The following DYNC1LI2 variants were observed in gnomAD, a reference collection of about 807,000 sequenced individuals.
The protein encoded by DYNC1LI2 is cytoplasmic dynein 1 light intermediate chain 2.
In DYNC1LI2, 19 loss-of-function variants were observed where a neutral mutation model predicts 57.8. The observed-to-expected ratio is 0.33, with a 90% CI of 0.23 to 0.48. The LOEUF (loss-of-function observed/expected upper bound fraction) is 0.48. DYNC1LI2 is among the 20% of genes least tolerant of loss of function. DYNC1LI2 has a pLI of 0.99. For missense variants in DYNC1LI2, 470 were observed against 604.2 expected (o/e 0.78, Z 2.33); for synonymous variants, 256 against 233.4 (o/e 1.10, Z -0.88).
chr16:66,723,895 T>A, intron 12 of DYNC1LI2, 73 bp from the exon 13 acceptor site: 1 of 1,286,296 alleles, frequency 7.8e-7, no homozygotes. Flanking sequence ...AAAGGAGCAT[T>A]TAAAATTATA....
At chr16:66,727,138 G>A (rs570394507) in intron 11 of DYNC1LI2, among the ~76,000 whole-genome samples, 14 of 152,168 alleles carry the variant, frequency 9.2e-5, no homozygotes, top group African/African-American at 3.1e-4. Context: ...GGCTAGTCTC[G>A]AACTCTTTAG....
intron 3 of DYNC1LI2, among the ~76,000 whole-genome samples, chr16:66,748,903 A>G (rs2017989020): frequency 1.3e-5 from 2 of 152,250 alleles, no homozygotes. Context: ...CAAAGCTTTA[A>G]AAAATCTTTC....
At position 66,734,283 on chromosome 16, in the gene DYNC1LI2, T is replaced by C; in HGVS notation, c.728A>G (p.Glu243Gly). The C allele has an allele frequency of 6.2e-7, 1 of 1,614,156 alleles. No individual in the cohort carries two copies. The highest frequency in any genetic ancestry group is 2.2e-5 in the East Asian group (1 of 44,876). The change falls in exon 6 of 13, where the codon GAG (glutamate) becomes GGG (glycine). Residue 243 changes from glutamate (E) to glycine (G), a missense_variant. Physicochemically the swap from Glu to Gly is moderately conservative, Grantham distance 98. Coordinates refer to ENST00000258198, the MANE Select transcript of DYNC1LI2 (RefSeq NM_006141.3). ...KCDAVSVLEK[E>G]HDYRDEHLDF... ...CAAATGCTCATCCCTGTAATCGTGC[T>C]CCTTCTCCAGGACACTCACCGCATC...
intron 4 of DYNC1LI2, among the ~76,000 whole-genome samples, chr16:66,736,512 T>G (rs1418227338): frequency 1.3e-5 from 2 of 152,068 alleles, no homozygotes; most frequent in African/African-American, 4.8e-5. Flanking sequence ...CTGAACAGGT[T>G]TTTTTTTCTT....
chr16:66,727,923 G>A, intron 10 of DYNC1LI2, 118 bp from the exon 11 acceptor site: 4 of 981,624 alleles, frequency 4.1e-6, no homozygotes, highest in East Asian at 2.4e-5. Context: ...ACAGGACTGG[G>A]AGTATGCTCT....
chr16:66,721,008 C>T lies in DYNC1LI2; in HGVS notation c.*2714G>A, dbSNP rs893377875. 1.3e-5 allele frequency: 2 copies of T among 152,624 alleles called. No homozygotes were observed. Among genetic ancestry groups the T allele is most frequent in the African/African-American group, 4.8e-5 (2 of 41,448 alleles). 9.5% of individuals were successfully genotyped at this position (152,624 alleles called of 1,614,324 possible). On this transcript the variant is annotated 3_prime_UTR_variant, in exon 13 of 13. Transcript: ENST00000258198. ...CATACTGCACCCGGACAGAGCCACA[C>T]CCCTGGACTAAGGCTGGTGGGGGAT...
intron 9 of DYNC1LI2, among the ~76,000 whole-genome samples, chr16:66,728,453 G>C (rs2017574851): frequency 6.6e-6 from 1 of 152,174 alleles, no homozygotes; most frequent in African/African-American, 2.4e-5. Flanking sequence ...TGAAGCTAAG[G>C]AAGCAAGCAA....
At chr16:66,741,585 A>G (rs565823373) in intron 4 of DYNC1LI2, among the ~76,000 whole-genome samples, 23 of 152,116 alleles carry the variant, frequency 1.5e-4, no homozygotes, top group African/African-American at 4.8e-4. Context: ...CCCGTGTGCC[A>G]TGCCCGAGAA....
rs1190496385 is a variant in DYNC1LI2, at chr16:66,721,355, A to G, written c.*2367T>C. The G allele has an allele frequency of 3.3e-5, 5 of 152,616 alleles. No homozygotes were observed. The highest frequency in any genetic ancestry group is 1.2e-4 in the African/African-American group (5 of 41,454). 9.5% of individuals were successfully genotyped at this position (152,616 alleles called of 1,614,324 possible). On this transcript the variant is annotated 3_prime_UTR_variant, in exon 13 of 13. Coordinates refer to ENST00000258198, the MANE Select transcript of DYNC1LI2 (RefSeq NM_006141.3). ...TGATTTTTTTTTTTATTTTAAAGAC[A>G]AAAAGCAGATGTAACCATTATAATG...
In DYNC1LI2 at chr16:66,723,640, G is replaced by A. The variant is rs1220808191; in HGVS notation, c.*82C>T. 5 of 1,230,252 alleles carry A rather than the reference G, an allele frequency of 4.1e-6. No homozygotes were observed. In the Admixed American group the frequency reaches 1.2e-4, roughly 29 times the overall value. The allele number at this position is 1,230,252 out of a possible 1,614,324, so 76.2% of individuals were successfully genotyped here. A position where few individuals can be genotyped will look rare whatever the true frequency, so the allele number is the denominator to read the frequency against. ...CTGCCCCAAAAAACTGATAGCATGT[G>A]CCATATCAGAAAAATCCTGGTCTTA... On this transcript the variant is annotated 3_prime_UTR_variant, in exon 13 of 13. Transcript: ENST00000258198.
intron 3 of DYNC1LI2, among the ~76,000 whole-genome samples, chr16:66,745,812 G>C (rs1204196057): frequency 6.6e-6 from 1 of 151,970 alleles, no homozygotes; most frequent in Non-Finnish European, 1.5e-5. Context: ...ACTGAGGAGG[G>C]AGGACTGCTC....
At chr16:66,729,423 G>A (rs1030523810) in intron 8 of DYNC1LI2, among the ~76,000 whole-genome samples, 2 of 152,016 alleles carry the variant, frequency 1.3e-5, no homozygotes, top group Non-Finnish European at 2.9e-5. Flanking sequence ...ACCAACTCCA[G>A]GTGAGCATTC....
Position 66,742,784 on chromosome 16 carries a change from T to C in DYNC1LI2, c.299-116A>G, listed in dbSNP as rs940782242. 1.2e-4 allele frequency: 144 copies of C among 1,242,918 alleles called. 1 individual carries two copies. The East Asian group carries it at 3.5e-3, about 30-fold the overall frequency. 77.0% of individuals were successfully genotyped at this position (1,242,918 alleles called of 1,614,324 possible). ...TGACAGCTATGAATTCTAAATAGAA[T>C]GCAAAATTTGGAAATCCAAACCAAA... On this transcript the variant is annotated intron_variant, in intron 3 of 12. Transcript: ENST00000258198.
chr16:66,746,524 C>T (rs775855744), intron 3 of DYNC1LI2, among the ~76,000 whole-genome samples: 25 of 152,064 alleles, frequency 1.6e-4, no homozygotes, highest in Non-Finnish European at 3.5e-4. Context: ...CCAATAAATG[C>T]AGAGACCAAG....
At chr16:66,732,645 G>A (rs945858214) in intron 6 of DYNC1LI2, 171 bp from the exon 7 acceptor site, 11 of 494,062 alleles carry the variant, frequency 2.2e-5, no homozygotes, top group African/African-American at 1.8e-4. Flanking sequence ...TAGGCATACT[G>A]CACACTGGTA....
chr16:66,751,435 G>A lies in DYNC1LI2; in HGVS notation c.107+50C>T. On this transcript the variant is annotated intron_variant, in intron 1 of 12. Transcript: ENST00000258198. This position sits in a 1 kb window ranked among gnomAD's most constrained non-coding sequence, Gnocchi z 5.2. ...GCCCCTCAGTGTGTCCGACGGTCCGGCCCAGAGGCCGCGCCCCCCACGGCC... is the reference window on the plus strand; with the variant it reads ...GCCCCTCAGTGTGTCCGACGGTCCGACCCAGAGGCCGCGCCCCCCACGGCC... 6.3e-7 allele frequency: 1 copy of A among 1,580,226 alleles called. No homozygotes were observed. The highest frequency in any genetic ancestry group is 8.6e-7 in the Non-Finnish European group (1 of 1,166,742).
At chr16:66,728,353 T>A (rs1353961489) in intron 9 of DYNC1LI2, 111 bp from the exon 10 acceptor site, 2 of 1,273,074 alleles carry the variant, frequency 1.6e-6, no homozygotes, top group Non-Finnish European at 2.2e-6. Flanking sequence ...TAACAACAAC[T>A]AAGTCCTATG....
chr16:66,751,508 C>T lies in DYNC1LI2; in HGVS notation c.84G>A (p.Glu28=). ...AVAAAGDLTS[E]EEEGQSLWSS... ...ACCATAGGCTCTGGCCTTCCTCCTCCTCACTGGTCAGGTCGCCGGCGGCCG... is the reference window on the plus strand; with the variant it reads ...ACCATAGGCTCTGGCCTTCCTCCTCTTCACTGGTCAGGTCGCCGGCGGCCG... Residue 28 remains glutamate (E), a synonymous_variant, in exon 1 of 13, where the codon GAG becomes GAA. Coordinates refer to ENST00000258198, the MANE Select transcript of DYNC1LI2 (RefSeq NM_006141.3). The surrounding 1 kb of genome is among the most constrained non-coding windows in gnomAD (Gnocchi z 5.2). The T allele has an allele frequency of 6.3e-7, 1 of 1,589,662 alleles. No individual in the cohort carries two copies.
chr16:66,735,381 G>A (rs2017715594), intron 5 of DYNC1LI2, among the ~76,000 whole-genome samples: 1 of 152,054 alleles, frequency 6.6e-6, no homozygotes. Context: ...GATTACATGA[G>A]CCACCATGTC....
Sources: allele counts gnomAD v4.1 joint callset (sites outside exome capture counted in the v4.1 genomes callset), GRCh38; gene constraint gnomAD v4.1.1; non-coding constraint Gnocchi (gnomAD v3.1); transcripts MANE v1.5; gene names NCBI Gene and HGNC (gene_info 2026-07-23, HGNC 2026-07-21).